The following RNF4 variants were observed in gnomAD, a reference collection of about 807,000 sequenced individuals.
RNF4 encodes E3 ubiquitin-protein ligase RNF4.
In RNF4, 7 loss-of-function variants were observed where a neutral mutation model predicts 24.3. The ratio of observed to expected loss-of-function variants is 0.29; its 90% CI spans 0.16 to 0.54. RNF4 has a LOEUF of 0.54. Ranked by LOEUF, RNF4 falls within the 20% of genes least tolerant of loss-of-function variation. The probability of loss-of-function intolerance (pLI) is 0.95; values close to 1 mark genes in which losing one functional copy is unlikely to be tolerated. For synonymous variants in RNF4, 83 were observed against 84.3 expected (o/e 0.98, Z 0.09); for missense variants, 209 against 248.5 (o/e 0.84, Z 1.07).
intron 1 of RNF4, chr4:2,489,940 G>A (rs1289391648): frequency 2.0e-5 from 3 of 152,928 alleles, no homozygotes; most frequent in Admixed American, 6.5e-5. Context: ...TCCGGACGGC[G>A]ACAGTGAAAT....
Position 2,470,353 on chromosome 4 carries a change from T to G in RNF4, c.-158+1095T>G, listed in dbSNP as rs1169921809. On this transcript the variant is annotated intron_variant, in intron 1 of 7. Coordinates refer to ENST00000314289, the MANE Select transcript of RNF4 (RefSeq NM_002938.5). ...AAAAGAGACATTGAAGGGAATCTTT[T>G]GTTACTTTCTTGGTGATTTGCTTTT... Among the ~76,000 whole-genome samples, 5 of 152,246 alleles carry G rather than the reference T, an allele frequency of 3.3e-5. No homozygotes were observed. In the East Asian group the frequency reaches 9.6e-4, roughly 29 times the overall value.
At chr4:2,478,545 G>A (rs893612038) in intron 1 of RNF4, among the ~76,000 whole-genome samples, 2 of 152,248 alleles carry the variant, frequency 1.3e-5, no homozygotes, top group African/African-American at 2.4e-5. Flanking sequence ...CGTTCCAGCC[G>A]TCTCAGCTGT....
chr4:2,485,644 C>T (rs1467329078), intron 1 of RNF4, among the ~76,000 whole-genome samples: 1 of 152,184 alleles, frequency 6.6e-6, no homozygotes, highest in Non-Finnish European at 1.5e-5. Context: ...GCATCCGGCT[C>T]TCCTGACCAT....
intron 2 of RNF4, among the ~76,000 whole-genome samples, chr4:2,496,541 A>G (rs990623086): frequency 2.0e-5 from 3 of 151,880 alleles, no homozygotes; most frequent in Admixed American, 6.6e-5. Flanking sequence ...CCTCACTGCA[A>G]CCTCTGCCTC....
At chr4:2,489,476 T>TAA (rs1735515763) in intron 1 of RNF4, among the ~76,000 whole-genome samples, 1 of 152,186 alleles carries the variant, frequency 6.6e-6, no homozygotes, top group Non-Finnish European at 1.5e-5. Flanking sequence ...TGGTGTGGTC[T>TAA]CTGGAAGCAG....
intron 4 of RNF4, chr4:2,506,215 G>A (rs1203851): frequency 0.19 from 28,952 of 152,104 alleles, 3,154 homozygotes; most frequent in Middle Eastern, 0.31. Flanking sequence ...ACAGAGTCTC[G>A]CTCTGTCGCC....
At chr4:2,513,198 A>G in intron 7 of RNF4, 67 bp downstream of exon 7, 1 of 1,461,852 alleles carries the variant, frequency 6.8e-7, no homozygotes, top group Non-Finnish European at 9.6e-7. Flanking sequence ...ATTGGATGAG[A>G]CAGGATCTTC....
At chr4:2,473,745 A>G (rs1734982473) in intron 1 of RNF4, among the ~76,000 whole-genome samples, 1 of 151,756 alleles carries the variant, frequency 6.6e-6, no homozygotes, top group South Asian at 2.1e-4. Flanking sequence ...GGAGGGGCAG[A>G]GGTTGTGGTG....
intron 4 of RNF4, among the ~76,000 whole-genome samples, chr4:2,507,664 T>G (rs1351448600): frequency 6.6e-6 from 1 of 152,098 alleles, no homozygotes. Flanking sequence ...TATACTTGCT[T>G]CTTTCATGCA....
rs549136957 is a variant in RNF4, at chr4:2,470,352, T to C, written c.-158+1094T>C. On this transcript the variant is annotated intron_variant, in intron 1 of 7. Coordinates refer to ENST00000314289, the MANE Select transcript of RNF4 (RefSeq NM_002938.5). ...TAAAAGAGACATTGAAGGGAATCTT[T>C]TGTTACTTTCTTGGTGATTTGCTTT... Among the ~76,000 whole-genome samples the C allele has an allele frequency of 5.9e-5, 9 of 152,338 alleles. No homozygotes were observed. The South Asian group carries it at 1.9e-3, about 32-fold the overall frequency.
At chr4:2,489,350 T>C (rs1735510647) in intron 1 of RNF4, among the ~76,000 whole-genome samples, 1 of 152,154 alleles carries the variant, frequency 6.6e-6, no homozygotes, top group Non-Finnish European at 1.5e-5. Context: ...GGCACAGCAC[T>C]GGGGATGCAC....
At chr4:2,474,381 CA>C (rs35982596) in intron 1 of RNF4, among the ~76,000 whole-genome samples, 51,872 of 105,246 alleles carry the variant, frequency 0.49, 10,190 homozygotes, top group African/African-American at 0.65. Flanking sequence ...GACTCTGTCT[CA>C]AAAAAAAAAA....
chr4:2,476,844 C>T (rs1206226165), intron 1 of RNF4, among the ~76,000 whole-genome samples: 4 of 145,666 alleles, frequency 2.7e-5, no homozygotes, highest in Admixed American at 7.0e-5. Context: ...GAATCTTGTT[C>T]TTTCTCAACT....
intron 4 of RNF4, among the ~76,000 whole-genome samples, chr4:2,503,612 A>T (rs555002987): frequency 1.8e-4 from 27 of 152,318 alleles, no homozygotes; most frequent in Middle Eastern, 3.4e-3. Flanking sequence ...TCCAAGTGCC[A>T]GTTTATGAAT....
chr4:2,510,561 G>T (rs1284029091), intron 4 of RNF4, among the ~76,000 whole-genome samples: 3 of 152,226 alleles, frequency 2.0e-5, no homozygotes, highest in African/African-American at 7.2e-5. Context: ...TCCATCCCCT[G>T]CCCTGCCAGT....
intron 2 of RNF4, among the ~76,000 whole-genome samples, chr4:2,495,641 G>GA (rs950437952): frequency 2.7e-5 from 4 of 148,230 alleles, no homozygotes; most frequent in African/African-American, 9.9e-5. Context: ...TTTTTTTTTG[G>GA]GGGGGGGTGA....
chr4:2,482,730 G>A (rs1054134067), intron 1 of RNF4, among the ~76,000 whole-genome samples: 1 of 152,208 alleles, frequency 6.6e-6, no homozygotes, highest in East Asian at 1.9e-4. Context: ...GCCTCTCTGA[G>A]CATAGTCTGC....
At chr4:2,490,686 C>T (rs576197654) in intron 2 of RNF4, 184 bp downstream of exon 2, 3 of 588,430 alleles carry the variant, frequency 5.1e-6, no homozygotes, top group South Asian at 2.4e-5. Context: ...GAGCTACATT[C>T]GAGTCATAAA....
chr4:2,495,638 T>TG lies in RNF4; in HGVS notation c.10-1369_10-1368insG, dbSNP rs1209395869. Among the ~76,000 whole-genome samples, 619 of 71,800 alleles carry TG rather than the reference T, an allele frequency of 8.6e-3. 5 individuals are homozygous for TG. The highest frequency in any genetic ancestry group is 0.012 in the Non-Finnish European group (387 of 32,838). The allele number at this position is 71,800 out of a possible 152,430, so 47.1% of individuals were successfully genotyped here. The stretch of plus-strand genomic sequence containing the variant: ...GCTCTGTTGGGAAGCTCTTTTTTTT[T>TG]TGGGGGGGGGTGAGATGGAGATTTA... On this transcript the variant is annotated intron_variant, in intron 2 of 7. Transcript: ENST00000314289.
Sources: allele counts gnomAD v4.1 joint callset (sites outside exome capture counted in the v4.1 genomes callset), GRCh38; gene constraint gnomAD v4.1.1; transcripts MANE v1.5; gene names NCBI Gene and HGNC (gene_info 2026-07-23, HGNC 2026-07-21).